RPH3A: variants seen among roughly 807,000 people sequenced by gnomAD.
The protein encoded by RPH3A is rabphilin 3A, also known as rabphilin-3A.
RPH3A carries 48 observed loss-of-function variants against 102.2 expected under a neutral mutation model. That is an observed-to-expected ratio of 0.47 (90% CI 0.37 to 0.60). The LOEUF (loss-of-function observed/expected upper bound fraction) is 0.60, where lower values mean the gene tolerates loss of function less well. Ranked by LOEUF, RPH3A falls within the 20% of genes least tolerant of loss-of-function variation. The probability of loss-of-function intolerance (pLI) is 0.00; values close to 1 mark genes in which losing one functional copy is unlikely to be tolerated. For synonymous variants in RPH3A, 310 were observed against 324.3 expected (o/e 0.96, Z 0.47); for missense variants, 781 against 910.1 (o/e 0.86, Z 1.83).
intron 2 of RPH3A, among the ~76,000 whole-genome samples, chr12:112,818,471 A>G (rs1182349962): frequency 6.6e-6 from 1 of 152,118 alleles, no homozygotes; most frequent in Non-Finnish European, 1.5e-5. Context: ...ATCCTTTACC[A>G]GGCTTTTCTT....
intron 1 of RPH3A, among the ~76,000 whole-genome samples, chr12:112,594,179 A>G (rs2039498745): frequency 6.6e-6 from 1 of 152,192 alleles, no homozygotes; most frequent in Admixed American, 6.6e-5. Flanking sequence ...TCTCATTTGT[A>G]CAAAAAGGGT....
intron 1 of RPH3A, among the ~76,000 whole-genome samples, chr12:112,629,783 G>C (rs1345473923): frequency 6.6e-6 from 1 of 151,974 alleles, no homozygotes; most frequent in African/African-American, 2.4e-5. Flanking sequence ...TAATAAAATT[G>C]ATAGTAATAA....
chr12:112,696,082 C>G lies in RPH3A; in HGVS notation c.-139-96061C>G, dbSNP rs544041642. On this transcript the variant is annotated intron_variant, in intron 1 of 21. Coordinates refer to the RPH3A transcript ENST00000543106. ...GCTCCCACTTATAAGCAAGAGCATACTATATTTGGTTTTCCATTCCTGAGT... is the reference window on the plus strand; with the variant it reads ...GCTCCCACTTATAAGCAAGAGCATAGTATATTTGGTTTTCCATTCCTGAGT... Among the ~76,000 whole-genome samples, 4 of 152,300 alleles carry G rather than the reference C, an allele frequency of 2.6e-5. No individual in the cohort carries two copies. The South Asian group carries it at 8.3e-4, about 32-fold the overall frequency.
At chr12:112,651,099 T>C (rs2039971746) in intron 1 of RPH3A, among the ~76,000 whole-genome samples, 1 of 151,784 alleles carries the variant, frequency 6.6e-6, no homozygotes, top group Non-Finnish European at 1.5e-5. Context: ...GTGACTCATG[T>C]CTGTAATCCC....
chr12:112,831,557 CT>C lies in RPH3A; in HGVS notation c.71+3179del, dbSNP rs201956406. ...ATTAGACATTATTATTTTATACTGG[CT>C]TTTTTTTTTTAATTTGCCTGTCTTC... On this transcript the variant is annotated intron_variant, in intron 3 of 21. Coordinates refer to ENST00000389385, the MANE Select transcript of RPH3A (RefSeq NM_001143854.2). Among the ~76,000 whole-genome samples, 949 of 145,204 alleles carry C rather than the reference CT, an allele frequency of 6.5e-3. 15 individuals are homozygous for C. In the East Asian group the frequency reaches 0.088, roughly 13 times the overall value.
chr12:112,848,201 G>C (rs1196160195), intron 5 of RPH3A, among the ~76,000 whole-genome samples: 5 of 152,186 alleles, frequency 3.3e-5, no homozygotes, highest in Non-Finnish European at 7.3e-5. Context: ...TGAGCATCAG[G>C]TGTCTCAGCT....
At chr12:112,839,414 G>A (rs2042106972) in intron 4 of RPH3A, among the ~76,000 whole-genome samples, 3 of 152,060 alleles carry the variant, frequency 2.0e-5, no homozygotes, top group Admixed American at 2.0e-4. Flanking sequence ...CAGGGATCTG[G>A]GCTTGGTGAG....
At chr12:112,778,865 T>A (rs2040987411) in intron 1 of RPH3A, among the ~76,000 whole-genome samples, 2 of 152,156 alleles carry the variant, frequency 1.3e-5, no homozygotes, top group African/African-American at 4.8e-5. Flanking sequence ...CACTAATCAT[T>A]GTGGCCAGGG....
intron 1 of RPH3A, among the ~76,000 whole-genome samples, chr12:112,633,762 T>C (rs777609141): frequency 1.3e-5 from 2 of 152,234 alleles, no homozygotes; most frequent in Non-Finnish European, 2.9e-5. Context: ...TCTTTACTTA[T>C]TTTGAATTTG....
chr12:112,788,205 T>TG (rs1428583369), upstream of RPH3A, among the ~76,000 whole-genome samples: 6 of 152,348 alleles, frequency 3.9e-5, 1 homozygote, highest in African/African-American at 1.4e-4. Context: ...AGTTCCTAGA[T>TG]GGCATGGTGA....
intron 1 of RPH3A, among the ~76,000 whole-genome samples, chr12:112,767,267 T>C (rs1460262534): frequency 6.6e-6 from 1 of 152,168 alleles, no homozygotes; most frequent in Non-Finnish European, 1.5e-5. Context: ...TGAGCTGATG[T>C]TTTTGAGGTC....
chr12:112,667,713 AG>A (rs2040097148), intron 1 of RPH3A, among the ~76,000 whole-genome samples: 1 of 133,442 alleles, frequency 7.5e-6, no homozygotes, highest in African/African-American at 3.1e-5. Flanking sequence ...AGAGAGAGAG[AG>A]AGAGAGAAAT....
chr12:112,680,736 C>T (rs1163128606), intron 1 of RPH3A, among the ~76,000 whole-genome samples: 1 of 152,160 alleles, frequency 6.6e-6, no homozygotes, highest in Non-Finnish European at 1.5e-5. Context: ...TCAGGACATG[C>T]ATAGCCCTCC....
At position 112,895,823 on chromosome 12, in the gene RPH3A, T is replaced by G; in HGVS notation, c.1904T>G (p.Leu635Arg). The part of the protein sequence containing the change: ...IKHSDLAKKS[L>R]DISVWDYDIG... ...CACAGTGACCTGGCAAAGAAGTCACTGGACATTTCAGTCTGGGACTATGAC... is the reference window on the plus strand; with the variant it reads ...CACAGTGACCTGGCAAAGAAGTCACGGGACATTTCAGTCTGGGACTATGAC... Residue 635 changes from leucine (L) to arginine (R), a missense_variant, in exon 21 of 22, where the codon CTG (leucine) becomes CGG (arginine). Leu to Arg is a moderately radical substitution (Grantham distance 102, BLOSUM62 -2). Around this residue, in one of 2 missense-constraint regions of RPH3A, gnomAD observed 51 missense variants for 100.1 expected, o/e 0.51. Transcript: ENST00000389385. 6.2e-7 allele frequency: 1 copy of G among 1,614,114 alleles called. No homozygotes were observed. Among genetic ancestry groups the G allele is most frequent in the Non-Finnish European group, 8.5e-7 (1 of 1,179,984 alleles).
At chr12:112,850,149 G>A (rs894373622) in intron 5 of RPH3A, among the ~76,000 whole-genome samples, 5 of 152,162 alleles carry the variant, frequency 3.3e-5, no homozygotes, top group African/African-American at 1.2e-4. Context: ...CTTACCCACT[G>A]CATGCCCTTA....
At chr12:112,788,870 T>C (rs559896178), upstream of RPH3A, among the ~76,000 whole-genome samples, 1 of 152,232 alleles carries the variant, frequency 6.6e-6, no homozygotes, top group African/African-American at 2.4e-5. Flanking sequence ...CAAATGTTTA[T>C]TGAGGCAGCC....
At chr12:112,828,899 A>C (rs943666345) in intron 3 of RPH3A, among the ~76,000 whole-genome samples, 3 of 152,388 alleles carry the variant, frequency 2.0e-5, no homozygotes, top group Admixed American at 6.5e-5. Context: ...CATGTCTTCA[A>C]AATATCAGAA....
At chr12:112,747,699 A>C (rs1210123170) in intron 1 of RPH3A, among the ~76,000 whole-genome samples, 1 of 152,188 alleles carries the variant, frequency 6.6e-6, no homozygotes, top group Non-Finnish European at 1.5e-5. Flanking sequence ...CCACTGTCAT[A>C]GTTCTTATCT....
intron 1 of RPH3A, among the ~76,000 whole-genome samples, chr12:112,684,300 C>T (rs2040247620): frequency 1.3e-5 from 2 of 152,060 alleles, no homozygotes; most frequent in Admixed American, 1.3e-4. Context: ...ACTCTGTCAC[C>T]CACACTGGAG....
Sources: gnomAD v4.1 joint callset for allele counts (sites outside exome capture counted in the v4.1 genomes callset) on GRCh38, gnomAD v4.1.1 for gene constraint, gnomAD v4.1.1 regional missense constraint, MANE v1.5 for transcripts, NCBI Gene and HGNC (gene_info 2026-07-23, HGNC 2026-07-21) for gene names.